Variants in CNTNAP2 observed in about 807,000 individuals in gnomAD.
CNTNAP2 encodes the protein contactin associated protein 2.
A neutral mutation model predicts 155.2 loss-of-function variants in CNTNAP2; 98 were observed. The ratio of observed to expected loss-of-function variants is 0.63; its 90% CI spans 0.54 to 0.75. CNTNAP2 has a LOEUF of 0.75. Ranked by LOEUF, CNTNAP2 falls within the 30% of genes least tolerant of loss-of-function variation. The pLI, the probability that CNTNAP2 is intolerant of heterozygous loss-of-function variation, is 0.00. For missense variants in CNTNAP2, 1,727 were observed against 1,688.1 expected (o/e 1.02, Z -0.40); for synonymous variants, 651 against 631.2 (o/e 1.03, Z -0.47).
chr7:147,317,019 C>A (rs1795245105), intron 9 of CNTNAP2, among the ~76,000 whole-genome samples: 1 of 152,202 alleles, frequency 6.6e-6, no homozygotes, highest in Non-Finnish European at 1.5e-5. Flanking sequence ...TAAAGAATGA[C>A]TTTAGTCTTA....
intron 1 of CNTNAP2, among the ~76,000 whole-genome samples, chr7:146,556,169 T>C (rs1265362673): frequency 6.6e-6 from 1 of 152,200 alleles, no homozygotes. Flanking sequence ...GTCTTTTTTT[T>C]TCTCAAGTAG....
chr7:148,171,140 T>C (rs1805785971), intron 17 of CNTNAP2, among the ~76,000 whole-genome samples: 1 of 152,206 alleles, frequency 6.6e-6, no homozygotes, highest in Non-Finnish European at 1.5e-5. Context: ...ATCTGTACAA[T>C]GGGAATAATG....
chr7:147,240,863 A>C (rs1225732658), intron 8 of CNTNAP2, among the ~76,000 whole-genome samples: 9 of 152,216 alleles, frequency 5.9e-5, no homozygotes, highest in Non-Finnish European at 8.8e-5. Context: ...CCTTTCATTT[A>C]AACATACAGA....
At chr7:146,835,426 G>A (rs377254769) in intron 2 of CNTNAP2, among the ~76,000 whole-genome samples, 13 of 152,088 alleles carry the variant, frequency 8.5e-5, no homozygotes, top group East Asian at 5.8e-4. Context: ...TCAAGGTTTC[G>A]AACTGTATAT....
intron 1 of CNTNAP2, among the ~76,000 whole-genome samples, chr7:146,555,166 C>A (rs1484776234): frequency 2.0e-5 from 3 of 152,082 alleles, no homozygotes; most frequent in Non-Finnish European, 4.4e-5. Context: ...TTCCCATTTT[C>A]TTTCTCCTTC....
At chr7:148,324,460 T>C (rs1470648502) in intron 21 of CNTNAP2, among the ~76,000 whole-genome samples, 1 of 152,108 alleles carries the variant, frequency 6.6e-6, no homozygotes, top group Admixed American at 6.5e-5. Flanking sequence ...TTCACCAAAT[T>C]GTTTGTGGCC....
chr7:148,283,259 G>GA (rs371469453), intron 21 of CNTNAP2, among the ~76,000 whole-genome samples: 9,413 of 38,478 alleles, frequency 0.24, 710 homozygotes, highest in South Asian at 0.35. Flanking sequence ...AAAAAAAAAA[G>GA]AAAGAAAGAA....
chr7:147,987,238 A>G (rs1340985328), intron 15 of CNTNAP2, among the ~76,000 whole-genome samples: 1 of 152,214 alleles, frequency 6.6e-6, no homozygotes, highest in Non-Finnish European at 1.5e-5. Context: ...TTCCAGAGTG[A>G]CTTTAAACAA....
At chr7:147,377,895 T>G (rs1011747157) in intron 9 of CNTNAP2, 1 of 399,986 alleles carries the variant, frequency 2.5e-6, no homozygotes, top group East Asian at 7.2e-5. Context: ...CTAGATTACC[T>G]TTATAAAAAT....
intron 14 of CNTNAP2, among the ~76,000 whole-genome samples, chr7:147,965,357 T>C (rs1245548453): frequency 6.6e-6 from 1 of 152,152 alleles, no homozygotes; most frequent in East Asian, 1.9e-4. Flanking sequence ...AATTGCTTAA[T>C]GCTAAAACTC....
chr7:147,365,849 T>A (rs1796220511), intron 9 of CNTNAP2, among the ~76,000 whole-genome samples: 1 of 152,216 alleles, frequency 6.6e-6, no homozygotes, highest in Non-Finnish European at 1.5e-5. Flanking sequence ...ACTTAATGTT[T>A]CTTGATTTTT....
chr7:146,906,747 C>G (rs111256656), intron 3 of CNTNAP2, among the ~76,000 whole-genome samples: 14,535 of 152,198 alleles, frequency 0.096, 787 homozygotes, highest in African/African-American at 0.14. Flanking sequence ...CAGAACACCT[C>G]TCCTCCTCCA....
At chr7:147,701,433 T>C (rs1465205417) in intron 13 of CNTNAP2, among the ~76,000 whole-genome samples, 1 of 152,182 alleles carries the variant, frequency 6.6e-6, no homozygotes, top group Non-Finnish European at 1.5e-5. Flanking sequence ...ATAAAAGCCA[T>C]AAAAATAAGT....
chr7:146,974,876 G>A (rs913120289), intron 3 of CNTNAP2, among the ~76,000 whole-genome samples: 11 of 151,942 alleles, frequency 7.2e-5, no homozygotes, highest in African/African-American at 2.7e-4. Flanking sequence ...GCAGATACCC[G>A]TAATCCCAGC....
intron 1 of CNTNAP2, among the ~76,000 whole-genome samples, chr7:146,665,255 T>C (rs571923738): frequency 6.6e-6 from 1 of 152,186 alleles, no homozygotes; most frequent in Non-Finnish European, 1.5e-5. Context: ...GGCGTCTTGC[T>C]ATCCTGACAT....
chr7:146,148,731 T>C (rs1797990918), intron 1 of CNTNAP2, among the ~76,000 whole-genome samples: 1 of 152,150 alleles, frequency 6.6e-6, no homozygotes, highest in Non-Finnish European at 1.5e-5. Context: ...AATAGTAATG[T>C]ATAAGAATAT....
chr7:147,168,799 A>G (rs530532941), intron 8 of CNTNAP2, among the ~76,000 whole-genome samples: 1 of 152,268 alleles, frequency 6.6e-6, no homozygotes, highest in South Asian at 2.1e-4. Context: ...CTGCAAACAA[A>G]TAATAAGCTA....
At chr7:146,675,499 A>G (rs1217706294) in intron 1 of CNTNAP2, among the ~76,000 whole-genome samples, 2 of 152,142 alleles carry the variant, frequency 1.3e-5, no homozygotes, top group East Asian at 1.9e-4. Flanking sequence ...ATTTTAAATG[A>G]TGGGCAAGGC....
intron 10 of CNTNAP2, among the ~76,000 whole-genome samples, chr7:147,396,194 TATA>T (rs1290817738): frequency 6.7e-6 from 1 of 148,206 alleles, no homozygotes; most frequent in Non-Finnish European, 1.5e-5. Context: ...TATATATATA[TATA>T]TGTGATAAAA....
Sources: gnomAD v4.1 joint callset for allele counts (sites outside exome capture counted in the v4.1 genomes callset) on GRCh38, gnomAD v4.1.1 for gene constraint, MANE v1.5 for transcripts, NCBI Gene and HGNC (gene_info 2026-07-23, HGNC 2026-07-21) for gene names.